The following CHEK2 variants were observed in gnomAD, a reference collection of about 807,000 sequenced individuals.
CHEK2 encodes the protein serine/threonine-protein kinase Chk2.
Under a neutral mutation model 69.1 loss-of-function variants are expected in CHEK2, and 71 were observed. The ratio of observed to expected loss-of-function variants is 1.03; its 90% CI spans 0.85 to 1.25. The LOEUF is 1.25. Ranked by LOEUF, CHEK2 falls within the 50% of genes most tolerant of loss-of-function variation. CHEK2 has a pLI of 0.00. For missense variants in CHEK2, 664 were observed against 649.6 expected, an observed-to-expected ratio of 1.02 and a Z score of -0.24; for synonymous variants, 189 against 226.9, an observed-to-expected ratio of 0.83 and a Z score of 1.50.
chr22:28,689,715 C>CTGT (rs1329168324), intron 13 of CHEK2, among the ~76,000 whole-genome samples: 122 of 152,310 alleles, frequency 8.0e-4, no homozygotes, highest in African/African-American at 2.8e-3. Context: ...CTTAAGCCCA[C>CTGT]AGTATCCCAG....
At chr22:28,703,337 T>C (rs1360870592) in intron 8 of CHEK2, among the ~76,000 whole-genome samples, 168 bp downstream of exon 8, 2 of 151,400 alleles carry the variant, frequency 1.3e-5, no homozygotes, top group African/African-American at 2.4e-5. Context: ...CATTGGAGGG[T>C]TTTTTGGGTT....
At chr22:28,692,573 A>G (rs2052407278) in intron 13 of CHEK2, among the ~76,000 whole-genome samples, 1 of 152,212 alleles carries the variant, frequency 6.6e-6, no homozygotes, top group Non-Finnish European at 1.5e-5. Flanking sequence ...GAACAGGGAC[A>G]GTCTTCCCAG....
intron 9 of CHEK2, among the ~76,000 whole-genome samples, chr22:28,698,130 C>T (rs1020231995): frequency 5.3e-5 from 8 of 150,210 alleles, no homozygotes; most frequent in Admixed American, 4.0e-4. Context: ...GTGGCTCATG[C>T]CTGTAATCCT....
rs730881693 is a variant in CHEK2 at position 28,741,772 on chromosome 22, G to A, written c.-10C>T. ...AGAAGTTCCCCATATGACTCACCGC[G>A]TGAGCCCACCTGGAGCCGCACACTC... On this transcript the variant is annotated 5_prime_UTR_variant, in exon 1 of 15. In the 5' UTR this introduces an upstream ATG that the reference lacks. Coordinates refer to ENST00000404276, the MANE Select transcript of CHEK2 (RefSeq NM_007194.4). The A allele has an allele frequency of 6.8e-6, 3 of 439,746 alleles. No individual in the cohort carries two copies. Among genetic ancestry groups the A allele is most frequent in the Admixed American group, 7.7e-5 (2 of 25,942 alleles). 27.2% of individuals were successfully genotyped at this position (439,746 alleles called of 1,614,324 possible). A position where few individuals can be genotyped will look rare whatever the true frequency, so the allele number is the denominator to read the frequency against.
At chr22:28,700,603 T>C (rs2052804287) in intron 8 of CHEK2, among the ~76,000 whole-genome samples, 1 of 152,096 alleles carries the variant, frequency 6.6e-6, no homozygotes, top group African/African-American at 2.4e-5. Context: ...ACAACCAGGA[T>C]CTGAACCCTA....
chr22:28,719,574 T>C (rs1041225413), intron 4 of CHEK2, 89 bp from the exon 5 acceptor site: 1 of 767,834 alleles, frequency 1.3e-6, no homozygotes, highest in Non-Finnish European at 2.2e-6. Flanking sequence ...ATATGGAATA[T>C]AAGAACTGTT....
chr22:28,724,938 A>G (rs775803378), intron 4 of CHEK2, 39 bp downstream of exon 4: 15 of 1,543,160 alleles, frequency 9.7e-6, no homozygotes, highest in Admixed American at 5.1e-5. Context: ...GAGAGAGTGG[A>G]AAAAAAAAAT....
rs931742393 is a variant in CHEK2, at chr22:28,690,378, C to T, written c.1462-1163G>A. On this transcript the variant is annotated intron_variant, in intron 13 of 14. Coordinates refer to ENST00000404276, the MANE Select transcript of CHEK2 (RefSeq NM_007194.4). ...GCACGGAGGCTCACGCCTGTAATCCCAGCACTTTGGGAGGCCAAGGCAGGC... is the reference window on the plus strand; with the variant it reads ...GCACGGAGGCTCACGCCTGTAATCCTAGCACTTTGGGAGGCCAAGGCAGGC... 9.9e-5 allele frequency among the ~76,000 whole-genome samples: 15 copies of T among 152,270 alleles called. 1 individual carries two copies. The highest frequency in any genetic ancestry group is 3.6e-4 in the African/African-American group (15 of 41,564).
intron 4 of CHEK2, among the ~76,000 whole-genome samples, chr22:28,723,328 G>A (rs2053864786): frequency 6.6e-6 from 1 of 152,202 alleles, no homozygotes. Flanking sequence ...GCCGGGCGCG[G>A]TGGCTCACGC....
At chr22:28,709,966 G>T in intron 7 of CHEK2, 40 bp downstream of exon 7, 1 of 1,128,856 alleles carries the variant, frequency 8.9e-7, no homozygotes, top group Non-Finnish European at 1.3e-6. Context: ...CATATTTTGA[G>T]ATAGATAAAT....
intron 12 of CHEK2, 147 bp from the exon 13 acceptor site, chr22:28,694,264 T>A (rs1735861095): frequency 4.4e-6 from 3 of 682,726 alleles, no homozygotes; most frequent in Admixed American, 2.0e-5. Flanking sequence ...CTAATCTTCC[T>A]CACTCTCTGT....
Position 28,719,102 on chromosome 22 carries a change from G to A in CHEK2, c.683+293C>T, listed in dbSNP as rs758953736. Among the ~76,000 whole-genome samples the A allele has an allele frequency of 3.3e-5, 5 of 151,874 alleles. No individual in the cohort carries two copies. The highest frequency in any genetic ancestry group is 7.4e-5 in the Non-Finnish European group (5 of 67,982). ...ACATTAGTTGTGCATGGTGCTGCAT[G>A]CCTGATCTCCCTTGACCTGGGAGAT... On this transcript the variant is annotated intron_variant, in intron 5 of 14. Coordinates refer to ENST00000404276, the MANE Select transcript of CHEK2 (RefSeq NM_007194.4).
Position 28,699,767 on chromosome 22 carries a change from T to C in CHEK2, c.1008+71A>G, listed in dbSNP as rs121908713. ...GAGTTTTAATCCACGGTCCCTCGAT[T>C]TCTGCCTAATTCAGGGAGTAATTCA... On this transcript the variant is annotated intron_variant, in intron 9 of 14. Coordinates refer to ENST00000404276, the MANE Select transcript of CHEK2 (RefSeq NM_007194.4). 260 of 1,067,014 alleles carry C rather than the reference T, an allele frequency of 2.4e-4. No homozygotes were observed. Among genetic ancestry groups the C allele is most frequent in the Non-Finnish European group, 3.5e-4 (238 of 680,662 alleles). 66.1% of individuals were successfully genotyped at this position (1,067,014 alleles called of 1,614,324 possible).
At chr22:28,694,347 G>A (rs1296438400) in intron 12 of CHEK2, among the ~76,000 whole-genome samples, 1 of 152,106 alleles carries the variant, frequency 6.6e-6, no homozygotes, top group Admixed American at 6.6e-5. Flanking sequence ...CGTCAGTCAC[G>A]ACCTCTTCAC....
intron 14 of CHEK2, 147 bp downstream of exon 14, chr22:28,688,987 CG>C (rs1430507009): frequency 1.5e-6 from 1 of 654,778 alleles, no homozygotes; most frequent in African/African-American, 1.8e-5. Flanking sequence ...GGTGCTGGAG[CG>C]AATCAAGTTA....
chr22:28,700,372 C>A (rs2052793466), intron 8 of CHEK2, among the ~76,000 whole-genome samples: 1 of 151,964 alleles, frequency 6.6e-6, no homozygotes, highest in Non-Finnish European at 1.5e-5. Flanking sequence ...CCACCATGCC[C>A]GGCTAATTGT....
chr22:28,707,557 C>T (rs979522191), intron 7 of CHEK2, among the ~76,000 whole-genome samples: 3 of 152,160 alleles, frequency 2.0e-5, no homozygotes, highest in Non-Finnish European at 4.4e-5. Flanking sequence ...GACAAGTGTT[C>T]GAAAAGTAAT....
rs778511901 is a variant in CHEK2 at position 28,710,076 on chromosome 22, A to G, written c.793-17T>C. On this transcript the variant is annotated splice_polypyrimidine_tract_variant and intron_variant, in intron 6 of 14. Transcript: ENST00000404276. The stretch of plus-strand genomic sequence containing the variant: ...AGCTGGGTCCTTTGATAAACAGAAT[A>G]ACAGAGTTTATTAGTAATAATAATT... The G allele has an allele frequency of 9.3e-6, 14 of 1,511,254 alleles. No individual in the cohort carries two copies. In the East Asian group the frequency reaches 3.2e-4, roughly 34 times the overall value. 93.6% of individuals were successfully genotyped at this position (1,511,254 alleles called of 1,614,324 possible). A position where few individuals can be genotyped will look rare whatever the true frequency, so the allele number is the denominator to read the frequency against.
At chr22:28,730,806 C>T (rs1601842239) in intron 2 of CHEK2, among the ~76,000 whole-genome samples, 1 of 152,124 alleles carries the variant, frequency 6.6e-6, no homozygotes, top group Middle Eastern at 3.4e-3. Flanking sequence ...TGCGGTGAGC[C>T]GAGATCATGA....
Sources: gnomAD v4.1 joint callset for allele counts (sites outside exome capture counted in the v4.1 genomes callset) on GRCh38, gnomAD v4.1.1 for gene constraint, MANE v1.5 for transcripts, NCBI Gene and HGNC (gene_info 2026-07-23, HGNC 2026-07-21) for gene names.